The following RAG1 variants were observed in gnomAD, a reference collection of about 807,000 sequenced individuals.
RAG1 encodes V(D)J recombination-activating protein 1.
Under a neutral mutation model 62.7 loss-of-function variants are expected in RAG1, and 35 were observed. That is an observed-to-expected ratio of 0.56 (90% CI 0.43 to 0.74). RAG1 has a LOEUF of 0.74. RAG1 is among the 30% of genes least tolerant of loss of function. The pLI, the probability that RAG1 is intolerant of heterozygous loss-of-function variation, is 0.00. For synonymous variants in RAG1, 461 were observed against 470.3 expected, an observed-to-expected ratio of 0.98 and a Z score of 0.26; for missense variants, 1,169 against 1,278.6, an observed-to-expected ratio of 0.91 and a Z score of 1.31.
At chr11:36,516,042 G>C (rs1053056202) in intron 1 of RAG1, among the ~76,000 whole-genome samples, 9 of 152,114 alleles carry the variant, frequency 5.9e-5, no homozygotes, top group South Asian at 2.1e-4. Context: ...TTTGAAGAAA[G>C]GGGAAGGTGG....
At chr11:36,530,824 T>TA (rs1860242244) in intron 2 of RAG1, among the ~76,000 whole-genome samples, 1 of 151,958 alleles carries the variant, frequency 6.6e-6, no homozygotes, top group African/African-American at 2.4e-5. Context: ...GTTTAGCTCT[T>TA]ACTTGTTGAT....
Position 36,574,846 on chromosome 11 carries a change from G to A in RAG1, c.1542G>A (p.Leu514=), listed in dbSNP as rs1306263654. The A allele has an allele frequency of 2.7e-5, 43 of 1,614,112 alleles. No homozygotes were observed. The highest frequency in any genetic ancestry group is 3.6e-5 in the Non-Finnish European group (42 of 1,180,056). ...TTCGGAATGCTGAGAAGGTACTTCTGCCAGGCTACCACCACTTTGAGTGGC... is the reference window on the plus strand; with the variant it reads ...TTCGGAATGCTGAGAAGGTACTTCTACCAGGCTACCACCACTTTGAGTGGC... ...HALRNAEKVL[L]PGYHHFEWQP... The change falls in exon 2 of 2, where the codon CTG becomes CTA. Residue 514 remains leucine (L), a synonymous_variant. Coordinates refer to ENST00000299440, the MANE Select transcript of RAG1 (RefSeq NM_000448.3).
chr11:36,533,075 G>A (rs1308613728), intron 2 of RAG1, among the ~76,000 whole-genome samples: 2 of 151,886 alleles, frequency 1.3e-5, no homozygotes, highest in African/African-American at 4.8e-5. Context: ...GCTGCAGAAT[G>A]TGCTAGGAAT....
intron 2 of RAG1, among the ~76,000 whole-genome samples, chr11:36,533,521 A>G (rs1440904218): frequency 6.6e-6 from 1 of 152,210 alleles, no homozygotes; most frequent in Non-Finnish European, 1.5e-5. Flanking sequence ...AAGACTTTTC[A>G]GTTTATTCAT....
At chr11:36,516,461 A>G (rs1438719554) in intron 1 of RAG1, among the ~76,000 whole-genome samples, 3 of 152,206 alleles carry the variant, frequency 2.0e-5, no homozygotes, top group Non-Finnish European at 4.4e-5. Context: ...AGCTGGGACT[A>G]CAGGCGCCCG....
intron 1 of RAG1, among the ~76,000 whole-genome samples, chr11:36,573,018 A>T (rs1850772020): frequency 6.6e-6 from 1 of 152,152 alleles, no homozygotes; most frequent in Non-Finnish European, 1.5e-5. Flanking sequence ...GTCCTTAAAG[A>T]CCTTAAGGTT....
At position 36,558,022 on chromosome 11, in the gene RAG1, G is replaced by C. The variant is rs1263533549; in HGVS notation, c.-411-5363G>C. ...TATTAAATACCTACAAAGCCCAGAG[G>C]CTTTGGTATATTGTGTTTCTATTTT... On this transcript the variant is annotated intron_variant and NMD_transcript_variant, in intron 3 of 9. Coordinates refer to the RAG1 transcript ENST00000534663. 2.6e-5 allele frequency among the ~76,000 whole-genome samples: 4 copies of C among 152,026 alleles called. No homozygotes were observed. In the East Asian group the frequency reaches 5.8e-4, roughly 22 times the overall value.
chr11:36,520,962 T>TA (rs1454606809), intron 2 of RAG1, among the ~76,000 whole-genome samples: 45 of 148,438 alleles, frequency 3.0e-4, no homozygotes, highest in Non-Finnish European at 3.0e-4. Context: ...AATCTCATCT[T>TA]TTTTTTTTTT....
chr11:36,550,342 C>G (rs1054624998), intron 3 of RAG1, among the ~76,000 whole-genome samples: 1 of 151,872 alleles, frequency 6.6e-6, no homozygotes, highest in African/African-American at 2.4e-5. Context: ...TTGCTTTAAT[C>G]AGGAATCCAA....
chr11:36,526,269 T>G (rs1391544054), intron 2 of RAG1, among the ~76,000 whole-genome samples: 8 of 125,388 alleles, frequency 6.4e-5, no homozygotes, highest in Admixed American at 1.0e-4. Flanking sequence ...GTGTGTGATA[T>G]TCCCCTCCCT....
intron 3 of RAG1, among the ~76,000 whole-genome samples, chr11:36,547,774 A>G (rs1850419357): frequency 1.3e-5 from 2 of 152,206 alleles, no homozygotes; most frequent in South Asian, 4.1e-4. Context: ...AACTCATTTT[A>G]TGAGGCTAGC....
rs553675432 is a variant in RAG1 at position 36,574,874 on chromosome 11, C to T, written c.1570C>T (p.Pro524Ser). Residue 524 changes from proline (P) to serine (S), a missense_variant, in exon 2 of 2, where the codon CCA (proline) becomes TCA (serine). Pro to Ser is a moderately conservative substitution (Grantham distance 74). Coordinates refer to ENST00000299440, the MANE Select transcript of RAG1 (RefSeq NM_000448.3). Reference protein sequence around the residue: ...LPGYHHFEWQPPLKNVSSSTD... With the variant: ...LPGYHHFEWQSPLKNVSSSTD... ...AGGCTACCACCACTTTGAGTGGCAG[C>T]CACCTCTGAAGAATGTGTCTTCCAG... 2 of 1,614,206 alleles carry T rather than the reference C, an allele frequency of 1.2e-6. No individual in the cohort carries two copies. Among genetic ancestry groups the T allele is most frequent in the South Asian group, 1.1e-5 (1 of 91,088 alleles).
At position 36,525,330 on chromosome 11, in the gene RAG1, A is replaced by G. The variant is rs563723260; in HGVS notation, n.428+5101A>G. ...TATAATAAGTCTTGAAGTCAAGTAGATAAATTCTTCCTACTTTAGATTTTT... is the reference window on the plus strand; with the variant it reads ...TATAATAAGTCTTGAAGTCAAGTAGGTAAATTCTTCCTACTTTAGATTTTT... On this transcript the variant is annotated intron_variant and non_coding_transcript_variant, in intron 2 of 2. Transcript: ENST00000529126. Among the ~76,000 whole-genome samples the G allele has an allele frequency of 6.6e-5, 10 of 152,324 alleles. No individual in the cohort carries two copies. In the East Asian group the frequency reaches 1.9e-3, roughly 29 times the overall value.
At chr11:36,568,704 T>C (rs565176730) in intron 1 of RAG1, among the ~76,000 whole-genome samples, 1 of 152,310 alleles carries the variant, frequency 6.6e-6, no homozygotes, top group South Asian at 2.1e-4. Flanking sequence ...CGCTCATGAT[T>C]CTGATTTGTA....
rs1414071641 is a variant in RAG1, at chr11:36,573,408, T to A, written c.104T>A (p.Val35Glu). Residue 35 changes from valine (V) to glutamate (E), a missense_variant, in exon 2 of 2, where the codon GTG becomes GAG. Coordinates refer to ENST00000299440, the MANE Select transcript of RAG1 (RefSeq NM_000448.3). The stretch of plus-strand genomic sequence containing the variant: ...GAATGGAAATTTAAGCTGTTCCGGG[T>A]GAGATCCTTTGAAAAGACACCTGAA... ...FSEWKFKLFR[V>E]RSFEKTPEEA... 6 of 1,614,048 alleles carry A rather than the reference T, an allele frequency of 3.7e-6. No individual in the cohort carries two copies. In the South Asian group the frequency reaches 5.5e-5, roughly 15 times the overall value.
In RAG1 at chr11:36,573,630, A is replaced by T; in HGVS notation, c.326A>T (p.His109Leu). 1 of 1,614,196 alleles carries T rather than the reference A, an allele frequency of 6.2e-7. No homozygotes were observed. Among genetic ancestry groups the T allele is most frequent in the Non-Finnish European group, 8.5e-7 (1 of 1,180,040 alleles). The change falls in exon 2 of 2, where the codon CAT (histidine) becomes CTT (leucine). Residue 109 changes from histidine (H) to leucine (L), a missense_variant. Coordinates refer to ENST00000299440, the MANE Select transcript of RAG1 (RefSeq NM_000448.3). ...GKAIHQANLR[H>L]LCRICGNSFR... ...GCGATCCATCAAGCCAACCTTCGAC[A>T]TCTCTGCCGCATCTGTGGGAATTCT...
At chr11:36,565,961 G>A (rs966047017), upstream of RAG1, 7 of 152,114 alleles carry the variant, frequency 4.6e-5, no homozygotes, top group African/African-American at 1.4e-4. Flanking sequence ...ATTTTGTTAT[G>A]TCTCATTTAA....
chr11:36,532,950 C>T (rs1389492806), intron 2 of RAG1, among the ~76,000 whole-genome samples: 3 of 152,140 alleles, frequency 2.0e-5, no homozygotes, highest in African/African-American at 7.2e-5. Flanking sequence ...TAGGGTAAAA[C>T]TGCTGTATAT....
In RAG1 at chr11:36,519,123, T is replaced by C. The variant is rs1860039003; in HGVS notation, n.331-1009T>C. Among the ~76,000 whole-genome samples, 7 of 152,154 alleles carry C rather than the reference T, an allele frequency of 4.6e-5. No individual in the cohort carries two copies. In the South Asian group the frequency reaches 1.5e-3, roughly 32 times the overall value. On this transcript the variant is annotated intron_variant and non_coding_transcript_variant, in intron 1 of 2. Coordinates refer to the RAG1 transcript ENST00000529126. ...TATTTGAGGGTGATAATGGTGGTAA[T>C]TTTTTCTTAAGGCATTTATTAAGGA...
Sources: allele counts gnomAD v4.1 joint callset (sites outside exome capture counted in the v4.1 genomes callset), GRCh38; gene constraint gnomAD v4.1.1; transcripts MANE v1.5; gene names NCBI Gene and HGNC (gene_info 2026-07-23, HGNC 2026-07-21).